MAPRE2: variants seen among roughly 807,000 people sequenced by gnomAD.
MAPRE2 encodes microtubule-associated protein RP/EB family member 2.
In MAPRE2, 13 loss-of-function variants were observed where a neutral mutation model predicts 43.2. That is an observed-to-expected ratio of 0.30 (90% confidence interval 0.20 to 0.48). The LOEUF (loss-of-function observed/expected upper bound fraction) is 0.48, where lower values mean the gene tolerates loss of function less well. Ranked by LOEUF, MAPRE2 falls within the 20% of genes least tolerant of loss-of-function variation. The probability of loss-of-function intolerance (pLI) is 0.99; values close to 1 mark genes in which losing one functional copy is unlikely to be tolerated. For missense variants in MAPRE2, 161 were observed against 400.2 expected (o/e 0.40, Z 5.10); for synonymous variants, 135 against 148.8 (o/e 0.91, Z 0.68).
chr18:35,041,202 T>C (rs971698852), upstream of MAPRE2, among the ~76,000 whole-genome samples: 10 of 151,982 alleles, frequency 6.6e-5, no homozygotes, highest in Non-Finnish European at 1.2e-4. Context: ...TGGCCTGGGG[T>C]TTTACATGCC....
At chr18:35,045,495 AC>A (rs1246680812) in intron 1 of MAPRE2, among the ~76,000 whole-genome samples, 1 of 152,250 alleles carries the variant, frequency 6.6e-6, no homozygotes, top group Non-Finnish European at 1.5e-5. Flanking sequence ...GAAAAGCAAA[AC>A]TAAAATTTAA....
At chr18:35,070,130 A>G (rs752632036) in intron 1 of MAPRE2, 65 bp from the exon 2 acceptor site, 2 of 1,450,146 alleles carry the variant, frequency 1.4e-6, no homozygotes, top group Non-Finnish European at 1.9e-6. Flanking sequence ...TTGACCTCGA[A>G]TAGGTATCTT....
chr18:35,118,418 C>A (rs1373165423), intron 4 of MAPRE2, among the ~76,000 whole-genome samples: 1 of 152,200 alleles, frequency 6.6e-6, no homozygotes, highest in Non-Finnish European at 1.5e-5. Context: ...CTTTTTGTTG[C>A]TGTTAACATT....
intron 1 of MAPRE2, among the ~76,000 whole-genome samples, chr18:35,051,883 C>T (rs1905956113): frequency 6.6e-6 from 1 of 152,170 alleles, no homozygotes. Flanking sequence ...AAGTAAATGC[C>T]TCAAAGAATG....
At chr18:35,125,478 C>A (rs993945756) in intron 4 of MAPRE2, among the ~76,000 whole-genome samples, 7 of 152,250 alleles carry the variant, frequency 4.6e-5, no homozygotes, top group Admixed American at 3.9e-4. Flanking sequence ...TTGTGCTACG[C>A]ACTGGGGTTA....
At chr18:34,978,391 G>A (rs888811330) in intron 1 of MAPRE2, 29 of 864,382 alleles carry the variant, frequency 3.4e-5, no homozygotes, top group Non-Finnish European at 4.8e-5. Context: ...GGGCCGCGCT[G>A]CGAGGCGGAG....
At chr18:35,057,572 A>G (rs188332706) in intron 1 of MAPRE2, among the ~76,000 whole-genome samples, 1 of 151,306 alleles carries the variant, frequency 6.6e-6, no homozygotes, top group Non-Finnish European at 1.5e-5. Flanking sequence ...CTTCTAATGC[A>G]AAAGTCTGTC....
intron 2 of MAPRE2, among the ~76,000 whole-genome samples, chr18:35,020,556 A>C (rs547381596): frequency 2.2e-4 from 33 of 152,046 alleles, no homozygotes; most frequent in African/African-American, 7.5e-4. Context: ...CTTGTCAAAA[A>C]AAAAAAAAAT....
chr18:34,979,469 A>C (rs1368157335), intron 1 of MAPRE2, among the ~76,000 whole-genome samples: 1 of 151,616 alleles, frequency 6.6e-6, no homozygotes, highest in Admixed American at 6.6e-5. Flanking sequence ...TGCAGGAGCC[A>C]CTCCCTTTGT....
intron 6 of MAPRE2, among the ~76,000 whole-genome samples, chr18:35,132,445 C>T (rs1910201909): frequency 6.6e-6 from 1 of 152,226 alleles, no homozygotes; most frequent in South Asian, 2.1e-4. Context: ...GAAAAATATG[C>T]TTATGCAGCC....
chr18:35,070,393 C>A (rs1225479514), intron 2 of MAPRE2, 71 bp downstream of exon 2: 5 of 1,338,338 alleles, frequency 3.7e-6, no homozygotes, highest in South Asian at 1.8e-5. Flanking sequence ...TTTTATGAAC[C>A]ACAGCTGCTA....
chr18:34,978,736 G>A (rs1185084121), intron 1 of MAPRE2, among the ~76,000 whole-genome samples: 2 of 152,086 alleles, frequency 1.3e-5, no homozygotes, highest in East Asian at 3.9e-4. Flanking sequence ...TAAGAGGTCC[G>A]GGAGCTCACC....
intron 2 of MAPRE2, among the ~76,000 whole-genome samples, chr18:35,072,437 T>C (rs1907156481): frequency 6.6e-6 from 1 of 151,998 alleles, no homozygotes; most frequent in African/African-American, 2.4e-5. Context: ...AAAAGAGACA[T>C]AGGAAGGAAG....
At position 35,063,298 on chromosome 18, in the gene MAPRE2, G is replaced by A. The variant is rs979189031; in HGVS notation, c.123-6897G>A. ...TTTTTTTTGTATTTTTAGTAGAGAT[G>A]GGGTTTCACCGTGTTAGCCAGGATG... On this transcript the variant is annotated intron_variant, in intron 1 of 6. Transcript: ENST00000300249. 9.2e-5 allele frequency among the ~76,000 whole-genome samples: 14 copies of A among 151,944 alleles called. No individual in the cohort carries two copies. The East Asian group carries it at 2.3e-3, about 25-fold the overall frequency.
chr18:34,990,949 A>T (rs2150574492), intron 1 of MAPRE2, among the ~76,000 whole-genome samples: 1 of 152,236 alleles, frequency 6.6e-6, no homozygotes, highest in Non-Finnish European at 1.5e-5. Context: ...TTGTGGAAGG[A>T]ATGTTTTGTG....
At chr18:35,083,080 T>C (rs2144132429) in intron 2 of MAPRE2, among the ~76,000 whole-genome samples, 1 of 152,336 alleles carries the variant, frequency 6.6e-6, no homozygotes, top group East Asian at 1.9e-4. Flanking sequence ...GGCATTTCTT[T>C]AGAGGTGACC....
At chr18:35,019,918 T>C (rs1371566050) in intron 2 of MAPRE2, among the ~76,000 whole-genome samples, 1 of 152,110 alleles carries the variant, frequency 6.6e-6, no homozygotes, top group African/African-American at 2.4e-5. Flanking sequence ...CAAATAATAA[T>C]ATTCTTAAGA....
chr18:35,086,100 A>G (rs568975393), intron 2 of MAPRE2, among the ~76,000 whole-genome samples: 60 of 152,300 alleles, frequency 3.9e-4, no homozygotes, highest in Non-Finnish European at 7.1e-4. Flanking sequence ...TCAGTGATAT[A>G]GGCATCTCTG....
intron 2 of MAPRE2, among the ~76,000 whole-genome samples, chr18:35,080,924 A>G (rs1166317904): frequency 1.3e-5 from 2 of 152,158 alleles, no homozygotes; most frequent in Admixed American, 6.5e-5. Flanking sequence ...ATTAATACTC[A>G]TAAGCTTTTT....
Sources: allele counts gnomAD v4.1 joint callset (sites outside exome capture counted in the v4.1 genomes callset), GRCh38; gene constraint gnomAD v4.1.1; transcripts MANE v1.5; gene names NCBI Gene and HGNC (gene_info 2026-07-23, HGNC 2026-07-21).